Variants in FANCL observed in about 807,000 individuals in gnomAD.
FANCL encodes FA complementation group L.
Under a neutral mutation model 59.4 loss-of-function variants are expected in FANCL, and 69 were observed. The observed-to-expected ratio is 1.16, with a 90% CI of 0.96 to 1.42. The LOEUF is 1.42. Ranked by LOEUF, FANCL falls within the 40% of genes most tolerant of loss-of-function variation. The pLI is 0.00. For missense variants in FANCL, 519 were observed against 447.2 expected (o/e 1.16, Z -1.45); for synonymous variants, 180 against 147.1 (o/e 1.22, Z -1.62).
At chr2:58,176,296 A>G (rs1687296490) in intron 7 of FANCL, among the ~76,000 whole-genome samples, 1 of 152,140 alleles carries the variant, frequency 6.6e-6, no homozygotes, top group Non-Finnish European at 1.5e-5. Flanking sequence ...GTTCATATGG[A>G]ACCAAAAAAG....
At chr2:58,182,214 CACCTAAGGA>C (rs908501894) in intron 7 of FANCL, among the ~76,000 whole-genome samples, 4 of 151,806 alleles carry the variant, frequency 2.6e-5, no homozygotes, top group African/African-American at 9.7e-5. Flanking sequence ...GTACTGGAAT[CACCTAAGGA>C]ACTTAAACAT....
At chr2:58,178,006 C>G (rs956485572) in intron 7 of FANCL, among the ~76,000 whole-genome samples, 2 of 152,006 alleles carry the variant, frequency 1.3e-5, no homozygotes, top group Non-Finnish European at 2.9e-5. Context: ...TGGATAAATT[C>G]CTGGACACAT....
intron 1 of FANCL, among the ~76,000 whole-genome samples, chr2:58,238,548 C>A (rs753744833): frequency 1.3e-5 from 2 of 152,054 alleles, no homozygotes; most frequent in Non-Finnish European, 1.5e-5. Flanking sequence ...ATGAAACTAA[C>A]AAATTCCTTG....
intron 1 of FANCL, among the ~76,000 whole-genome samples, chr2:58,239,822 TG>T: frequency 6.6e-6 from 1 of 152,202 alleles, no homozygotes; most frequent in Non-Finnish European, 1.5e-5. Context: ...AAATGTAAAC[TG>T]GTGAATCTAG....
At chr2:58,165,993 G>T in intron 7 of FANCL, 119 bp from the exon 8 acceptor site, 1 of 953,042 alleles carries the variant, frequency 1.0e-6, no homozygotes, top group Non-Finnish European at 1.6e-6. Flanking sequence ...CTACAAAGTA[G>T]ACTCCAGTAA....
Position 58,159,560 on chromosome 2 carries a change from A to G in FANCL, c.*205T>C, listed in dbSNP as rs760396835. 6.2e-7 allele frequency: 1 copy of G among 1,613,852 alleles called. No homozygotes were observed. Among genetic ancestry groups the G allele is most frequent in the Admixed American group, 1.7e-5 (1 of 59,994 alleles). ...GTCAGCACGGGGATCACAGACTTAG[A>G]AAGTTCAACTGGACTTTGGCCTACA... On this transcript the variant is annotated 3_prime_UTR_variant, in exon 14 of 14. Transcript: ENST00000233741.
chr2:58,164,416 T>C (rs1270595705), intron 8 of FANCL, among the ~76,000 whole-genome samples: 3 of 152,048 alleles, frequency 2.0e-5, no homozygotes, highest in African/African-American at 4.8e-5. Flanking sequence ...CAAAAAGTTA[T>C]AATCTCATTT....
chr2:58,161,183 C>T (rs1685102770), intron 12 of FANCL, among the ~76,000 whole-genome samples: 3 of 151,954 alleles, frequency 2.0e-5, no homozygotes, highest in South Asian at 4.1e-4. Flanking sequence ...ACCTCCACCT[C>T]GGGTAAACCT....
rs753107654 is a variant in FANCL at position 58,165,723 on chromosome 2, C to T, written c.691+1G>A. On this transcript the variant is annotated splice_donor_variant, in intron 8 of 13. Transcript: ENST00000233741. LOFTEE classifies it high-confidence loss of function. ...AAACCCTTAATCCTCCTTGTCCCTA[C>T]CTAATGCAATTCTGCGTGCTGTTGC... 1.2e-6 allele frequency: 2 copies of T among 1,614,034 alleles called. No individual in the cohort carries two copies. The highest frequency in any genetic ancestry group is 1.1e-5 in the South Asian group (1 of 91,082).
chr2:58,231,733 T>C (rs943337218), intron 2 of FANCL, among the ~76,000 whole-genome samples: 3 of 152,168 alleles, frequency 2.0e-5, no homozygotes, highest in African/African-American at 4.8e-5. Context: ...CAGTCAAAAG[T>C]TGGAAAAAAA....
In FANCL at chr2:58,159,635, A is replaced by G. The variant is rs1228793029; in HGVS notation, c.*130T>C. 6.2e-7 allele frequency: 1 copy of G among 1,613,794 alleles called. No homozygotes were observed. The highest frequency in any genetic ancestry group is 1.1e-5 in the South Asian group (1 of 91,076). ...GAGACAAACGCAGATGTTTATTATTATCGCATCATCATACCTGTCCTTTTG... is the reference window on the plus strand; with the variant it reads ...GAGACAAACGCAGATGTTTATTATTGTCGCATCATCATACCTGTCCTTTTG... On this transcript the variant is annotated 3_prime_UTR_variant, in exon 14 of 14. Transcript: ENST00000233741.
chr2:58,240,925 G>A (rs1207472597), intron 1 of FANCL, among the ~76,000 whole-genome samples: 1 of 152,244 alleles, frequency 6.6e-6, no homozygotes, highest in Non-Finnish European at 1.5e-5. Context: ...TCAATTGCGG[G>A]ACACTGAACG....
At chr2:58,225,292 T>C (rs1401549695) in intron 4 of FANCL, among the ~76,000 whole-genome samples, 1 of 151,700 alleles carries the variant, frequency 6.6e-6, no homozygotes, top group African/African-American at 2.4e-5. Context: ...TTCTAAAAAT[T>C]GGTTTCTGTT....
chr2:58,186,076 C>G (rs946876728), intron 7 of FANCL, among the ~76,000 whole-genome samples: 1 of 152,080 alleles, frequency 6.6e-6, no homozygotes, highest in Non-Finnish European at 1.5e-5. Context: ...AGGAAGCCGA[C>G]AGCAACTGTG....
At chr2:58,215,480 A>G (rs966557491) in intron 5 of FANCL, among the ~76,000 whole-genome samples, 1 of 152,200 alleles carries the variant, frequency 6.6e-6, no homozygotes, top group East Asian at 1.9e-4. Flanking sequence ...GTGAACAACT[A>G]AAGTAGGCTG....
intron 7 of FANCL, among the ~76,000 whole-genome samples, chr2:58,174,687 C>G (rs374389238): frequency 1.3e-5 from 2 of 151,922 alleles, no homozygotes; most frequent in African/African-American, 4.8e-5. Context: ...GAGAAAGCAG[C>G]AAAGATCCAA....
At chr2:58,220,087 G>A (rs1692318179) in intron 5 of FANCL, among the ~76,000 whole-genome samples, 1 of 152,178 alleles carries the variant, frequency 6.6e-6, no homozygotes, top group African/African-American at 2.4e-5. Context: ...GAGACTTTAA[G>A]CAGTCCATCT....
chr2:58,208,639 A>T (rs1690822126), intron 5 of FANCL, among the ~76,000 whole-genome samples: 1 of 152,244 alleles, frequency 6.6e-6, no homozygotes, highest in South Asian at 2.1e-4. Context: ...CTGCTTCAAA[A>T]GACAGACTGA....
chr2:58,227,653 G>A (rs542884053), intron 3 of FANCL, among the ~76,000 whole-genome samples: 20 of 152,200 alleles, frequency 1.3e-4, no homozygotes, highest in African/African-American at 3.9e-4. Context: ...TTCTCTCAAC[G>A]TCCAGCCACT....
Sources: gnomAD v4.1 joint callset for allele counts (sites outside exome capture counted in the v4.1 genomes callset) on GRCh38, gnomAD v4.1.1 for gene constraint, MANE v1.5 for transcripts, NCBI Gene and HGNC (gene_info 2026-07-23, HGNC 2026-07-21) for gene names.